Variants in PHACTR1 observed in about 807,000 individuals in gnomAD.
PHACTR1 encodes the protein RPEL repeat containing 1.
Under a neutral mutation model 69.2 loss-of-function variants are expected in PHACTR1, and 16 were observed. The observed-to-expected ratio is 0.23, with a 90% CI of 0.16 to 0.35. The LOEUF (loss-of-function observed/expected upper bound fraction) is 0.35. PHACTR1 is among the 10% of genes least tolerant of loss of function. The probability of loss-of-function intolerance (pLI) is 1.00; values close to 1 mark genes in which losing one functional copy is unlikely to be tolerated. For synonymous variants in PHACTR1, 312 were observed against 284.5 expected, an observed-to-expected ratio of 1.10 and a Z score of -0.97; for missense variants, 510 against 734.7, an observed-to-expected ratio of 0.69 and a Z score of 3.54.
At chr6:12,921,809 A>AGGGAGGGAAGAAGGAAGGGGGGGG (rs1312249871) in intron 4 of PHACTR1, among the ~76,000 whole-genome samples, 1 of 7,694 alleles carries the variant, frequency 1.3e-4, no homozygotes, top group South Asian at 4.2e-3. Context: ...GAAGGGAGGG[A>AGGGAGGGAAGAAGGAAGGGGGGGG]GGGAGCAAGG....
intron 5 of PHACTR1, among the ~76,000 whole-genome samples, chr6:13,094,234 T>A (rs1427724203): frequency 6.6e-6 from 1 of 151,954 alleles, no homozygotes; most frequent in African/African-American, 2.4e-5. Context: ...TATTTTAAAA[T>A]CAAAACATAT....
intron 4 of PHACTR1, among the ~76,000 whole-genome samples, chr6:12,798,825 A>G (rs1296773505): frequency 1.3e-5 from 2 of 152,236 alleles, no homozygotes; most frequent in Non-Finnish European, 2.9e-5. Context: ...ATAAATTCAT[A>G]TGGTTTCAAA....
chr6:13,284,384 G>A (rs1035719741), intron 13 of PHACTR1, among the ~76,000 whole-genome samples: 11 of 151,294 alleles, frequency 7.3e-5, no homozygotes, highest in Non-Finnish European at 1.3e-4. Flanking sequence ...GGGCGTGATG[G>A]CACACACCTG....
intron 5 of PHACTR1, among the ~76,000 whole-genome samples, chr6:13,096,238 A>G (rs1814224928): frequency 6.6e-6 from 1 of 152,108 alleles, no homozygotes; most frequent in Admixed American, 6.6e-5. Flanking sequence ...AAATTTGATC[A>G]TTTGCTTTCC....
Position 12,818,016 on chromosome 6 carries a change from G to A in PHACTR1, c.250+68226G>A, listed in dbSNP as rs11967257. The stretch of plus-strand genomic sequence containing the variant: ...TTTTTTGTATTTTTAGTAGAGACAG[G>A]GTTTCACCATATTAGCCAGGATGGT... On this transcript the variant is annotated intron_variant, in intron 4 of 14. Transcript: ENST00000332995. 6.8e-3 allele frequency among the ~76,000 whole-genome samples: 1,037 copies of A among 151,990 alleles called. 17 individuals carry two copies. Among genetic ancestry groups the A allele is most frequent in the African/African-American group, 0.024 (986 of 41,468 alleles).
chr6:12,791,318 G>A (rs1287407591), intron 4 of PHACTR1, among the ~76,000 whole-genome samples: 2 of 152,144 alleles, frequency 1.3e-5, no homozygotes, highest in African/African-American at 2.4e-5. Flanking sequence ...CCCATCTGAG[G>A]TCCTTGCTCC....
At chr6:12,781,539 T>C (rs962597603) in intron 4 of PHACTR1, among the ~76,000 whole-genome samples, 6 of 152,254 alleles carry the variant, frequency 3.9e-5, no homozygotes, top group African/African-American at 1.4e-4. Context: ...GCATGTCCAC[T>C]GTTAGATAGG....
intron 4 of PHACTR1, among the ~76,000 whole-genome samples, chr6:12,797,008 A>G (rs1000253319): frequency 2.2e-5 from 3 of 138,256 alleles, no homozygotes; most frequent in Non-Finnish European, 3.1e-5. Context: ...GAAGCCTAGG[A>G]GTGTGTGTGT....
At chr6:12,964,628 A>G (rs1056496259) in intron 4 of PHACTR1, among the ~76,000 whole-genome samples, 1 of 152,188 alleles carries the variant, frequency 6.6e-6, no homozygotes, top group Admixed American at 6.5e-5. Context: ...TTGAATACCA[A>G]GCCCAGAAGT....
At chr6:12,757,385 T>C (rs1188936855) in intron 4 of PHACTR1, among the ~76,000 whole-genome samples, 1 of 152,122 alleles carries the variant, frequency 6.6e-6, no homozygotes, top group Non-Finnish European at 1.5e-5. Context: ...TTGGTGGACC[T>C]TGCAAAGACT....
At chr6:12,856,964 C>G (rs1268872155) in intron 4 of PHACTR1, among the ~76,000 whole-genome samples, 1 of 152,188 alleles carries the variant, frequency 6.6e-6, no homozygotes. Context: ...AAAATTGAGG[C>G]TTCGGTCATT....
intron 4 of PHACTR1, among the ~76,000 whole-genome samples, chr6:12,807,183 TA>T (rs915095331): frequency 8.5e-5 from 13 of 152,048 alleles, no homozygotes; most frequent in African/African-American, 3.1e-4. Flanking sequence ...GATGGGCTTT[TA>T]AAAAAAATCT....
chr6:13,113,033 C>G (rs1194870583), intron 5 of PHACTR1, among the ~76,000 whole-genome samples: 1 of 152,022 alleles, frequency 6.6e-6, no homozygotes, highest in Non-Finnish European at 1.5e-5. Flanking sequence ...TTTAATCCAT[C>G]TTGAGTTAAT....
At chr6:12,993,901 A>C (rs764194326) in intron 4 of PHACTR1, among the ~76,000 whole-genome samples, 60 of 152,214 alleles carry the variant, frequency 3.9e-4, no homozygotes, top group Admixed American at 7.2e-4. Context: ...GTATAAACTC[A>C]CAATGAAAAA....
At chr6:13,238,171 C>T (rs1260973067) in intron 10 of PHACTR1, among the ~76,000 whole-genome samples, 1 of 152,202 alleles carries the variant, frequency 6.6e-6, no homozygotes, top group Non-Finnish European at 1.5e-5. Flanking sequence ...CCTTAACACC[C>T]ACAGCCTGGG....
chr6:12,999,090 C>A (rs559052674), intron 4 of PHACTR1, among the ~76,000 whole-genome samples: 3 of 152,152 alleles, frequency 2.0e-5, no homozygotes, highest in African/African-American at 4.8e-5. Context: ...CACAGCAGTT[C>A]TACTTATATT....
chr6:12,984,606 C>G (rs1366149864), intron 4 of PHACTR1, among the ~76,000 whole-genome samples: 1 of 152,144 alleles, frequency 6.6e-6, no homozygotes, highest in African/African-American at 2.4e-5. Flanking sequence ...AGAAAGAATC[C>G]CTTTTAATAT....
intron 7 of PHACTR1, among the ~76,000 whole-genome samples, chr6:13,199,774 T>C (rs1764958953): frequency 6.6e-6 from 1 of 152,146 alleles, no homozygotes; most frequent in African/African-American, 2.4e-5. Flanking sequence ...TTTCTATAGA[T>C]AGAAATAAAA....
intron 5 of PHACTR1, among the ~76,000 whole-genome samples, chr6:13,139,959 T>G (rs576558841): frequency 4.1e-4 from 62 of 152,326 alleles, no homozygotes; most frequent in African/African-American, 1.4e-3. Flanking sequence ...GACTTTAGTT[T>G]GTAATATTAT....
Sources: gnomAD v4.1 joint callset for allele counts (sites outside exome capture counted in the v4.1 genomes callset) on GRCh38, gnomAD v4.1.1 for gene constraint, MANE v1.5 for transcripts, NCBI Gene and HGNC (gene_info 2026-07-23, HGNC 2026-07-21) for gene names.